Variants in ATE1 observed in about 807,000 individuals in gnomAD.
The protein encoded by ATE1 is arginyltransferase 1.
In ATE1, 36 loss-of-function variants were observed where a neutral mutation model predicts 70.5. The observed-to-expected ratio is 0.51, with a 90% confidence interval of 0.39 to 0.67. The LOEUF is 0.67. Among genes scored for constraint, ATE1 ranks in the 30% least tolerant of loss-of-function variants. The probability of loss-of-function intolerance (pLI) is 0.00; values close to 1 mark genes in which losing one functional copy is unlikely to be tolerated. For synonymous variants in ATE1, 232 were observed against 219.3 expected (o/e 1.06, Z -0.51); for missense variants, 593 against 629.5 (o/e 0.94, Z 0.62).
At chr10:121,901,267 C>CA (rs572620656) in intron 6 of ATE1, among the ~76,000 whole-genome samples, 24 of 141,994 alleles carry the variant, frequency 1.7e-4, no homozygotes, top group South Asian at 9.1e-4. Flanking sequence ...AACTCCGTCT[C>CA]AAAAAAAAAA....
intron 10 of ATE1, among the ~76,000 whole-genome samples, chr10:121,830,989 A>G (rs1948213614): frequency 6.6e-6 from 1 of 152,164 alleles, no homozygotes; most frequent in Non-Finnish European, 1.5e-5. Context: ...CATGTTTCCA[A>G]ATTCTAAACA....
At chr10:121,835,943 T>C (rs1049628819) in intron 10 of ATE1, among the ~76,000 whole-genome samples, 1 of 152,134 alleles carries the variant, frequency 6.6e-6, no homozygotes, top group Non-Finnish European at 1.5e-5. Context: ...CATATGTATA[T>C]TTTCTGATTT....
chr10:121,784,866 GA>G (rs953963798), intron 11 of ATE1, among the ~76,000 whole-genome samples: 1 of 151,256 alleles, frequency 6.6e-6, no homozygotes, highest in Non-Finnish European at 1.5e-5. Flanking sequence ...CACAAAAAAA[GA>G]AAAAAAATCG....
At chr10:121,871,564 T>C (rs1352016812) in intron 7 of ATE1, among the ~76,000 whole-genome samples, 1 of 152,210 alleles carries the variant, frequency 6.6e-6, no homozygotes, top group Non-Finnish European at 1.5e-5. Flanking sequence ...TGTAAATGTT[T>C]GAGGTTTTCC....
Position 121,927,713 on chromosome 10 carries a change from G to C in ATE1, c.106+131C>G, listed in dbSNP as rs568739338. ...TAAGCCGGCGCCGCGGCCCTCCCGAGAGTGCCCCCTCCGTCTCGGCCGTGG... is the reference window on the plus strand; with the variant it reads ...TAAGCCGGCGCCGCGGCCCTCCCGACAGTGCCCCCTCCGTCTCGGCCGTGG... On this transcript the variant is annotated intron_variant, in intron 1 of 11. Transcript: ENST00000224652. 2.7e-5 allele frequency: 37 copies of C among 1,345,758 alleles called. No individual in the cohort carries two copies. The African/African-American group carries it at 3.7e-4, about 14-fold the overall frequency. 83.4% of individuals were successfully genotyped at this position (1,345,758 alleles called of 1,614,324 possible).
chr10:121,816,609 G>A (rs191527943), intron 10 of ATE1, among the ~76,000 whole-genome samples: 6 of 152,176 alleles, frequency 3.9e-5, no homozygotes, highest in Admixed American at 3.3e-4. Flanking sequence ...CATTCAAGGC[G>A]CCATCTTGAA....
At chr10:121,778,473 C>T (rs1364997919) in intron 11 of ATE1, among the ~76,000 whole-genome samples, 3 of 151,108 alleles carry the variant, frequency 2.0e-5, no homozygotes, top group South Asian at 2.1e-4. Flanking sequence ...GCATTAGAAC[C>T]ATTTGGTAAA....
At chr10:121,889,017 A>C (rs552962272) in intron 7 of ATE1, among the ~76,000 whole-genome samples, 250 of 152,214 alleles carry the variant, frequency 1.6e-3, no homozygotes, top group African/African-American at 5.8e-3. Context: ...CAACTTATTT[A>C]TTTATTTATT....
intron 10 of ATE1, among the ~76,000 whole-genome samples, chr10:121,819,378 T>C (rs1947689370): frequency 6.6e-6 from 1 of 152,132 alleles, no homozygotes; most frequent in Non-Finnish European, 1.5e-5. Context: ...TACATGCTGT[T>C]TTATATACAT....
chr10:121,896,962 AT>A (rs35983564), intron 7 of ATE1, among the ~76,000 whole-genome samples: 136,636 of 151,998 alleles, frequency 0.9, 61,568 homozygotes, highest in Middle Eastern at 0.96. Context: ...ACACCTCTGC[AT>A]TTTGCTAGTC....
intron 8 of ATE1, among the ~76,000 whole-genome samples, chr10:121,858,660 A>ATATATATTT (rs1554913061): frequency 9.3e-5 from 13 of 139,198 alleles, no homozygotes; most frequent in South Asian, 6.5e-4. Flanking sequence ...TATACATATA[A>ATATATATTT]TATATATATA....
At chr10:121,879,191 C>T (rs1038208200) in intron 7 of ATE1, among the ~76,000 whole-genome samples, 2 of 152,184 alleles carry the variant, frequency 1.3e-5, no homozygotes, top group African/African-American at 2.4e-5. Flanking sequence ...GTTCCGGCCT[C>T]ATCAGTGTCC....
intron 11 of ATE1, among the ~76,000 whole-genome samples, chr10:121,749,776 C>G (rs1416190388): frequency 6.6e-6 from 1 of 152,160 alleles, no homozygotes; most frequent in Non-Finnish European, 1.5e-5. Flanking sequence ...AAACACCCAT[C>G]CAAGTTACCA....
chr10:121,753,520 A>G (rs1298018246), intron 11 of ATE1, among the ~76,000 whole-genome samples: 1 of 152,184 alleles, frequency 6.6e-6, no homozygotes, highest in East Asian at 1.9e-4. Flanking sequence ...AAGTCCAGTA[A>G]AAGGTCACCA....
At chr10:121,862,189 C>A (rs1564905682) in intron 8 of ATE1, among the ~76,000 whole-genome samples, 1 of 152,150 alleles carries the variant, frequency 6.6e-6, no homozygotes, top group Non-Finnish European at 1.5e-5. Flanking sequence ...TAACTCCCTT[C>A]CTCAGCTTAA....
rs1479596517 is a variant in ATE1, at chr10:121,910,869, G to A, written c.583+37C>T. ...TTAAAATGACTCAGCAAAAAGCAAAGCCGTGAATATGACTTGGTATCAAAA... is the reference window on the plus strand; with the variant it reads ...TTAAAATGACTCAGCAAAAAGCAAAACCGTGAATATGACTTGGTATCAAAA... On this transcript the variant is annotated intron_variant, in intron 5 of 11. Coordinates refer to ENST00000224652, the MANE Select transcript of ATE1 (RefSeq NM_001001976.3). 1.9e-6 allele frequency: 3 copies of A among 1,612,244 alleles called. No homozygotes were observed. The Admixed American group carries it at 5.0e-5, about 27-fold the overall frequency.
chr10:121,862,532 A>ATT (rs35130703), intron 8 of ATE1, among the ~76,000 whole-genome samples: 8,702 of 105,414 alleles, frequency 0.083, 918 homozygotes, highest in African/African-American at 0.26. Context: ...AATTTTTTTA[A>ATT]TTTTTTTTTT....
intron 11 of ATE1, among the ~76,000 whole-genome samples, chr10:121,763,335 T>C (rs1945134190): frequency 6.6e-6 from 1 of 152,170 alleles, no homozygotes; most frequent in South Asian, 2.1e-4. Context: ...TTAGTCATAA[T>C]TGCCAACAAG....
intron 7 of ATE1, among the ~76,000 whole-genome samples, chr10:121,888,135 C>T (rs974328509): frequency 1.3e-5 from 2 of 152,206 alleles, no homozygotes; most frequent in Admixed American, 1.3e-4. Context: ...TGGCTCACGC[C>T]TGTAATCCCA....
Sources: gnomAD v4.1 joint callset for allele counts (sites outside exome capture counted in the v4.1 genomes callset) on GRCh38, gnomAD v4.1.1 for gene constraint, MANE v1.5 for transcripts, NCBI Gene and HGNC (gene_info 2026-07-23, HGNC 2026-07-21) for gene names.